Variants in ASCC3 observed in about 807,000 individuals in gnomAD.
ASCC3 encodes the protein activating signal cointegrator 1 complex subunit 3, also known as ASC-1 complex subunit P200.
Under a neutral mutation model 256.3 loss-of-function variants are expected in ASCC3, and 158 were observed. That is an observed-to-expected ratio of 0.62 (90% confidence interval 0.54 to 0.70). ASCC3 has a LOEUF of 0.70. Among genes scored for constraint, ASCC3 ranks in the 30% least tolerant of loss-of-function variants. ASCC3 has a pLI of 0.00. For missense variants in ASCC3, 2,259 were observed against 2,626.0 expected, an observed-to-expected ratio of 0.86 and a Z score of 3.05; for synonymous variants, 948 against 883.4, an observed-to-expected ratio of 1.07 and a Z score of -1.30.
At position 100,692,959 on chromosome 6, in the gene ASCC3, G is replaced by T. The variant is rs192357769; in HGVS notation, c.2152-13207C>A. Among the ~76,000 whole-genome samples the T allele has an allele frequency of 2.8e-3, 431 of 151,822 alleles. 2 individuals carry two copies. The highest frequency in any genetic ancestry group is 9.9e-3 in the African/African-American group (410 of 41,454). ...CCTGATCAGAAGATGTTAAAAATAT[G>T]ATTTAATAAATATAACCTACAATTT... On this transcript the variant is annotated intron_variant, in intron 13 of 41. Transcript: ENST00000369162.
At chr6:100,728,908 T>C (rs1187316677) in intron 10 of ASCC3, among the ~76,000 whole-genome samples, 1 of 152,004 alleles carries the variant, frequency 6.6e-6, no homozygotes, top group Non-Finnish European at 1.5e-5. Context: ...CACGAATACA[T>C]CAGAAAAAGT....
At chr6:100,634,056 T>C (rs1244933861) in intron 25 of ASCC3, among the ~76,000 whole-genome samples, 1 of 152,154 alleles carries the variant, frequency 6.6e-6, no homozygotes. Context: ...CTTAAGTACA[T>C]ATTTATAAAG....
At chr6:100,711,321 C>T (rs956253770) in intron 13 of ASCC3, among the ~76,000 whole-genome samples, 7 of 152,116 alleles carry the variant, frequency 4.6e-5, no homozygotes, top group African/African-American at 1.4e-4. Flanking sequence ...AGGTATTTTC[C>T]TGACTAGATT....
intron 13 of ASCC3, among the ~76,000 whole-genome samples, chr6:100,707,878 T>A (rs1338868998): frequency 1.3e-5 from 2 of 152,128 alleles, no homozygotes; most frequent in Non-Finnish European, 2.9e-5. Context: ...CTTCCATGCA[T>A]TGGTTCTAAA....
chr6:100,684,924 A>T lies in ASCC3; in HGVS notation c.2152-5172T>A, dbSNP rs1777494712. On this transcript the variant is annotated intron_variant, in intron 13 of 41. Transcript: ENST00000369162. ...CGGGTTGACACCATTCTCCTGCCTC[A>T]GCCTCCAGAGTAGCTGGGACTACAG... Among the ~76,000 whole-genome samples the T allele has an allele frequency of 2.0e-5, 3 of 148,436 alleles. No individual in the cohort carries two copies. The South Asian group carries it at 6.3e-4, about 31-fold the overall frequency.
At chr6:100,869,615 A>T (rs1037605335) in intron 1 of ASCC3, among the ~76,000 whole-genome samples, 22 of 152,208 alleles carry the variant, frequency 1.4e-4, no homozygotes, top group Admixed American at 1.2e-3. Context: ...GAAATAACCC[A>T]TGCATGCTGT....
In ASCC3 at chr6:100,848,194, T is replaced by C. The variant is rs550108754; in HGVS notation, c.755A>G (p.Tyr252Cys). Residue 252 changes from tyrosine to cysteine, a missense_variant, in exon 4 of 42, where the codon TAT becomes TGT. Tyr to Cys is a radical substitution (Grantham distance 194). Coordinates refer to ENST00000369162, the MANE Select transcript of ASCC3 (RefSeq NM_006828.4). ...ACTTTTAATAGAAGCAAGCATATCA[T>C]ATAAAGTACAGCAAAGATCTTCTAC... ...PRVEDLCCTL[Y>C]DMLASIKSGD... 21 of 1,610,274 alleles carry C rather than the reference T, an allele frequency of 1.3e-5. No individual in the cohort carries two copies. In the Admixed American group the frequency reaches 3.5e-4, roughly 27 times the overall value.
intron 11 of ASCC3, among the ~76,000 whole-genome samples, chr6:100,725,271 CT>C (rs1311680843): frequency 6.6e-6 from 1 of 151,832 alleles, no homozygotes; most frequent in Non-Finnish European, 1.5e-5. Flanking sequence ...GATATCCTGT[CT>C]TTTCATTTAA....
intron 36 of ASCC3, among the ~76,000 whole-genome samples, chr6:100,576,145 C>T (rs115377155): frequency 0.033 from 5,000 of 152,030 alleles, 248 homozygotes; most frequent in African/African-American, 0.11. Flanking sequence ...GTAATGTCAC[C>T]GGTTAACAGT....
chr6:100,860,099 A>C (rs1417250239), intron 3 of ASCC3, among the ~76,000 whole-genome samples: 1 of 152,052 alleles, frequency 6.6e-6, no homozygotes, highest in Non-Finnish European at 1.5e-5. Context: ...ATTCTTAAGT[A>C]ACAGATATAT....
chr6:100,700,504 T>C (rs1254372829), intron 13 of ASCC3, among the ~76,000 whole-genome samples: 1 of 152,032 alleles, frequency 6.6e-6, no homozygotes, highest in African/African-American at 2.4e-5. Flanking sequence ...GACCCCAAAA[T>C]GGTAGATCCA....
chr6:100,542,519 A>G (rs1025540760), intron 36 of ASCC3, among the ~76,000 whole-genome samples: 1 of 152,060 alleles, frequency 6.6e-6, no homozygotes, highest in Non-Finnish European at 1.5e-5. Flanking sequence ...CATCTCTACT[A>G]AAAATACAAT....
chr6:100,550,348 CTT>C (rs1320114186), intron 36 of ASCC3, among the ~76,000 whole-genome samples: 1 of 151,856 alleles, frequency 6.6e-6, no homozygotes, highest in Non-Finnish European at 1.5e-5. Flanking sequence ...AATCTACTTT[CTT>C]CAGTACTATG....
intron 36 of ASCC3, among the ~76,000 whole-genome samples, chr6:100,543,879 C>T (rs1775582566): frequency 6.6e-6 from 1 of 152,018 alleles, no homozygotes; most frequent in South Asian, 2.1e-4. Context: ...TTATAAAACA[C>T]ACAACGCAAT....
intron 2 of ASCC3, among the ~76,000 whole-genome samples, chr6:100,867,176 T>A (rs1773521486): frequency 6.6e-6 from 1 of 152,134 alleles, no homozygotes; most frequent in Non-Finnish European, 1.5e-5. Flanking sequence ...AAAGTGATAA[T>A]TGCCCATTTT....
intron 13 of ASCC3, among the ~76,000 whole-genome samples, chr6:100,695,628 A>G (rs1241088115): frequency 6.6e-6 from 1 of 152,210 alleles, no homozygotes; most frequent in Non-Finnish European, 1.5e-5. Flanking sequence ...TTTCCAAGAT[A>G]TAGGCCTTCC....
chr6:100,608,546 CTTTATATATATATACTTTATATATATAT>C (rs1773156508), intron 30 of ASCC3, among the ~76,000 whole-genome samples: 2 of 3,020 alleles, frequency 6.6e-4, no homozygotes, highest in Non-Finnish European at 1.2e-3. Flanking sequence ...TATATATATA[CTTTATATATATATACTTTATATATATAT>C]TTTATATATA....
chr6:100,785,761 C>T (rs1021062950), intron 8 of ASCC3, among the ~76,000 whole-genome samples: 35 of 152,100 alleles, frequency 2.3e-4, no homozygotes, highest in African/African-American at 8.0e-4. Context: ...CTGTAAGTGT[C>T]AATTCCTAAA....
intron 36 of ASCC3, among the ~76,000 whole-genome samples, chr6:100,588,868 TAA>T (rs1255035523): frequency 6.6e-6 from 1 of 152,108 alleles, no homozygotes; most frequent in Admixed American, 6.6e-5. Flanking sequence ...AGAAGGACTT[TAA>T]AGACAGAATG....
Sources: gnomAD v4.1 joint callset for allele counts (sites outside exome capture counted in the v4.1 genomes callset) on GRCh38, gnomAD v4.1.1 for gene constraint, MANE v1.5 for transcripts, NCBI Gene and HGNC (gene_info 2026-07-23, HGNC 2026-07-21) for gene names.